The following PPP2R3A variants were observed in gnomAD, a reference collection of about 807,000 sequenced individuals.
PPP2R3A encodes protein phosphatase 2 regulatory subunit B''alpha.
In PPP2R3A, 80 loss-of-function variants were observed where a neutral mutation model predicts 106.9. The ratio of observed to expected loss-of-function variants is 0.75; its 90% confidence interval spans 0.62 to 0.90. The LOEUF is 0.90. Ranked by LOEUF, PPP2R3A falls within the 40% of genes least tolerant of loss-of-function variation. The pLI, the probability that PPP2R3A is intolerant of heterozygous loss-of-function variation, is 0.00. For missense variants in PPP2R3A, 1,386 were observed against 1,350.4 expected (o/e 1.03, Z -0.41); for synonymous variants, 483 against 468.3 (o/e 1.03, Z -0.41).
At position 136,102,066 on chromosome 3, in the gene PPP2R3A, A is replaced by C; in HGVS notation, c.2987A>C (p.Glu996Ala). The change falls in exon 11 of 14, where the codon GAG becomes GCG. Residue 996 changes from glutamate to alanine, a missense_variant. Transcript: ENST00000264977. ...GGAGACGGTGTACTCTCCATGTATG[A>C]GCTGGAGTACTTCTATGAGGAGCAG... ...VDGDGVLSMY[E>A]LEYFYEEQCE... The C allele has an allele frequency of 6.2e-7, 1 of 1,614,030 alleles. No individual in the cohort carries two copies.
intron 11 of PPP2R3A, among the ~76,000 whole-genome samples, chr3:136,102,566 C>T (rs1463676200): frequency 1.3e-5 from 2 of 151,930 alleles, no homozygotes; most frequent in Non-Finnish European, 2.9e-5. Context: ...AGGCTGGTCT[C>T]GAACTCCTGA....
intron 3 of PPP2R3A, among the ~76,000 whole-genome samples, chr3:136,038,839 A>G (rs1935166794): frequency 6.6e-6 from 1 of 152,234 alleles, no homozygotes. Context: ...CCTTGGTAAT[A>G]ATTATGTATA....
Position 136,014,441 on chromosome 3 carries a change from A to G in PPP2R3A, c.1995+10948A>G, listed in dbSNP as rs548973115. 1.5e-3 allele frequency among the ~76,000 whole-genome samples: 222 copies of G among 152,012 alleles called. 3 individuals carry two copies. Among genetic ancestry groups the G allele is most frequent in the Non-Finnish European group, 2.4e-4 (16 of 67,914 alleles). ...CATTTTCACAATATTGATCCTACCC[A>G]CCCATCCATGAGCATGCGATATGTT... On this transcript the variant is annotated intron_variant, in intron 2 of 13. Coordinates refer to ENST00000264977, the MANE Select transcript of PPP2R3A (RefSeq NM_002718.5).
At chr3:136,031,592 G>A (rs1362421869) in intron 3 of PPP2R3A, among the ~76,000 whole-genome samples, 1 of 152,170 alleles carries the variant, frequency 6.6e-6, no homozygotes, top group Non-Finnish European at 1.5e-5. Context: ...CCAATGTCTA[G>A]AAGGGTTTTC....
intron 3 of PPP2R3A, among the ~76,000 whole-genome samples, chr3:136,037,087 T>C (rs900202443): frequency 6.6e-6 from 1 of 152,214 alleles, no homozygotes; most frequent in African/African-American, 2.4e-5. Flanking sequence ...TTCTTGTAGT[T>C]TATAAAGTTA....
intron 3 of PPP2R3A, among the ~76,000 whole-genome samples, chr3:136,036,483 T>C (rs1935090190): frequency 6.6e-6 from 1 of 152,210 alleles, no homozygotes; most frequent in South Asian, 2.1e-4. Flanking sequence ...GTGATTGTTA[T>C]CTCTCTTCTG....
chr3:136,124,556 A>G (rs1376346969), intron 13 of PPP2R3A, among the ~76,000 whole-genome samples: 1 of 152,176 alleles, frequency 6.6e-6, no homozygotes, highest in African/African-American at 2.4e-5. Flanking sequence ...GTTATCACTT[A>G]GAAAGGTCTA....
intron 9 of PPP2R3A, 86 bp from the exon 10 acceptor site, chr3:136,090,492 A>G: frequency 1.8e-6 from 2 of 1,108,218 alleles, no homozygotes. Context: ...TTTAACTGAC[A>G]TACTACTTTA....
At position 136,141,941 on chromosome 3, in the gene PPP2R3A, C is replaced by T. The variant is rs138654580; in HGVS notation, c.3330-3102C>T. ...GGCTTTGAGTGGGCAGATGACAGTG[C>T]CATTGACTAAAATAGGGAGAACCAG... On this transcript the variant is annotated intron_variant, in intron 13 of 13. Transcript: ENST00000264977. Among the ~76,000 whole-genome samples, 212 of 152,118 alleles carry T rather than the reference C, an allele frequency of 1.4e-3. 3 individuals are homozygous for T. The highest frequency in any genetic ancestry group is 4.5e-3 in the African/African-American group (186 of 41,496).
chr3:136,064,518 T>G (rs767793890), intron 5 of PPP2R3A, among the ~76,000 whole-genome samples: 138 of 152,274 alleles, frequency 9.1e-4, no homozygotes, highest in Non-Finnish European at 1.5e-3. Flanking sequence ...CAGGAAATGG[T>G]TGTGTTCACC....
At chr3:136,010,921 C>T (rs1006374712) in intron 2 of PPP2R3A, among the ~76,000 whole-genome samples, 1 of 152,186 alleles carries the variant, frequency 6.6e-6, no homozygotes, top group African/African-American at 2.4e-5. Context: ...AAACAGACCC[C>T]TAGTGCTCCA....
chr3:136,030,874 A>G (rs941777678), intron 3 of PPP2R3A, among the ~76,000 whole-genome samples: 4 of 151,016 alleles, frequency 2.6e-5, no homozygotes, highest in Non-Finnish European at 5.9e-5. Context: ...TTGTTGATTG[A>G]TGGGCATTGG....
intron 13 of PPP2R3A, among the ~76,000 whole-genome samples, chr3:136,124,503 T>C (rs1559933562): frequency 6.6e-6 from 1 of 151,864 alleles, no homozygotes. Flanking sequence ...AGAAAACATA[T>C]GGGATGTTTT....
chr3:135,985,960 A>AG (rs1238682904), intron 1 of PPP2R3A, among the ~76,000 whole-genome samples: 2 of 152,188 alleles, frequency 1.3e-5, no homozygotes, highest in East Asian at 3.8e-4. Flanking sequence ...AAGGAACGAT[A>AG]GTAGGCAGTA....
chr3:136,090,614 T>A lies in PPP2R3A; in HGVS notation c.2874T>A (p.Tyr958Ter). Residue 958 changes from tyrosine (Y) to a stop codon, truncating the protein, a stop_gained, in exon 10 of 14, where the codon TAT becomes TAA. Coordinates refer to ENST00000264977, the MANE Select transcript of PPP2R3A (RefSeq NM_002718.5). LOFTEE classifies it high-confidence loss of function. ...TACAGAAAGAGGGAAGAATGAGCTA[T>A]GCAGATTTTGTTTGGTTTTTGATCT... is the stretch of plus-strand genomic sequence containing the variant. ...KTIQKEGRMS[Y>*]ADFVWFLISE... 1 of 1,613,726 alleles carries A rather than the reference T, an allele frequency of 6.2e-7. No homozygotes were observed.
chr3:136,019,326 CG>C (rs1387244558), intron 2 of PPP2R3A, among the ~76,000 whole-genome samples: 3 of 152,176 alleles, frequency 2.0e-5, no homozygotes, highest in African/African-American at 7.2e-5. Context: ...TAATTTTCCA[CG>C]TGCTCAAACT....
rs1008564341 is a variant in PPP2R3A, at chr3:136,092,719, C to T, written c.2927+2052C>T. 1.2e-4 allele frequency among the ~76,000 whole-genome samples: 19 copies of T among 152,120 alleles called. 1 individual carries two copies. The highest frequency in any genetic ancestry group is 4.3e-4 in the African/African-American group (18 of 41,418). ...TTGAGAGTTCAGAAATATATCCTCA[C>T]ATTTAGGGCTAATTGATTTGCAACA... On this transcript the variant is annotated intron_variant, in intron 10 of 13. Coordinates refer to ENST00000264977, the MANE Select transcript of PPP2R3A (RefSeq NM_002718.5).
rs369373163 is a variant in PPP2R3A at position 136,061,926 on chromosome 3, C to CAAAA, written c.2470-8535_2470-8532dup. Reference sequence around the variant, plus strand: ...TGGGCGACAGAGCAAGACTCTATCTCAAAAAAAAAAAAAAAAAAAACACTG... The same window carrying CAAAA: ...TGGGCGACAGAGCAAGACTCTATCTCAAAAAAAAAAAAAAAAAAAAAAAACACTG... On this transcript the variant is annotated intron_variant, in intron 5 of 13. Coordinates refer to ENST00000264977, the MANE Select transcript of PPP2R3A (RefSeq NM_002718.5). Among the ~76,000 whole-genome samples, 410 of 84,002 alleles carry CAAAA rather than the reference C, an allele frequency of 4.9e-3. 6 individuals carry two copies. Among genetic ancestry groups the CAAAA allele is most frequent in the African/African-American group, 0.01 (250 of 24,780 alleles). The allele number at this position is 84,002 out of a possible 152,430, so 55.1% of individuals were successfully genotyped here. A position where few individuals can be genotyped will look rare whatever the true frequency, so the allele number is the denominator to read the frequency against.
intron 3 of PPP2R3A, among the ~76,000 whole-genome samples, chr3:136,028,836 T>G (rs1289068555): frequency 2.0e-5 from 3 of 152,002 alleles, no homozygotes; most frequent in Non-Finnish European, 2.9e-5. Context: ...GTTGTTGTTT[T>G]TTGTTGTTGT....
Sources: allele counts gnomAD v4.1 joint callset (sites outside exome capture counted in the v4.1 genomes callset), GRCh38; gene constraint gnomAD v4.1.1; transcripts MANE v1.5; gene names NCBI Gene and HGNC (gene_info 2026-07-23, HGNC 2026-07-21).